HMGA2: variants seen among roughly 807,000 people sequenced by gnomAD.
The protein encoded by HMGA2 is high mobility group protein HMGI-C.
HMGA2 carries 8 observed loss-of-function variants against 19.1 expected under a neutral mutation model. The observed-to-expected ratio is 0.42, with a 90% CI of 0.25 to 0.76. The LOEUF is 0.76. Ranked by LOEUF, HMGA2 falls within the 30% of genes least tolerant of loss-of-function variation. The pLI is 0.28. For missense variants in HMGA2, 109 were observed against 136.3 expected (o/e 0.80, Z 1.00); for synonymous variants, 60 against 48.8 (o/e 1.23, Z -0.96).
chr12:65,830,484 T>C (rs2120837782), intron 2 of HMGA2, among the ~76,000 whole-genome samples: 1 of 152,050 alleles, frequency 6.6e-6, no homozygotes, highest in Non-Finnish European at 1.5e-5. Context: ...AGTGTTTTCC[T>C]GTAAACTGAG....
Position 65,829,939 on chromosome 12 carries a change from G to A in HMGA2, c.198+1852G>A, listed in dbSNP as rs552696187. Among the ~76,000 whole-genome samples the A allele has an allele frequency of 2.7e-4, 41 of 151,872 alleles. No homozygotes were observed. The South Asian group carries it at 7.3e-3, about 27-fold the overall frequency. ...CATTTGTAAATGACCCCCCTACGCC[G>A]CTCATCTTTCTGAAAATTCTTCATG... is the stretch of plus-strand genomic sequence containing the variant. On this transcript the variant is annotated intron_variant, in intron 2 of 4. Transcript: ENST00000403681.
intron 3 of HMGA2, among the ~76,000 whole-genome samples, chr12:65,944,651 A>AC (rs56891231): frequency 0.28 from 42,974 of 151,990 alleles, 6,669 homozygotes; most frequent in South Asian, 0.4. Context: ...CACAAAAATT[A>AC]CCTTACTGAA....
intron 3 of HMGA2, chr12:65,914,959 G>A (rs1875022530): frequency 6.6e-7 from 1 of 1,516,732 alleles, no homozygotes; most frequent in East Asian, 2.3e-5. Context: ...ACAGGCGTGA[G>A]CCATCGTGCC....
intron 3 of HMGA2, among the ~76,000 whole-genome samples, chr12:65,908,810 G>T (rs1874715376): frequency 6.6e-6 from 1 of 152,158 alleles, no homozygotes; most frequent in Non-Finnish European, 1.5e-5. Flanking sequence ...ATAGACTGAG[G>T]AGTTTCTGCA....
chr12:65,861,894 G>C (rs533284529), intron 3 of HMGA2, among the ~76,000 whole-genome samples: 17 of 150,520 alleles, frequency 1.1e-4, no homozygotes, highest in Admixed American at 7.3e-4. Context: ...GCCCAGGCTG[G>C]AGCGCAATGG....
intron 3 of HMGA2, among the ~76,000 whole-genome samples, chr12:65,908,934 T>C (rs1157660718): frequency 6.6e-6 from 1 of 152,188 alleles, no homozygotes; most frequent in African/African-American, 2.4e-5. Flanking sequence ...CCTACCATCA[T>C]CTTAAAAAGG....
intron 3 of HMGA2, among the ~76,000 whole-genome samples, chr12:65,937,727 C>T (rs551569861): frequency 1.3e-5 from 2 of 152,248 alleles, no homozygotes; most frequent in African/African-American, 4.8e-5. Context: ...GAAACATACA[C>T]GTTCTACAAA....
chr12:65,920,060 C>T (rs988838721), intron 3 of HMGA2, among the ~76,000 whole-genome samples: 3 of 152,172 alleles, frequency 2.0e-5, no homozygotes, highest in Admixed American at 2.0e-4. Context: ...AGCTGGTAGT[C>T]CCAATATGAC....
At position 65,825,438 on chromosome 12, in the gene HMGA2, C is replaced by T. The variant is rs1045019069; in HGVS notation, c.111+57C>T. 9 of 1,268,102 alleles carry T rather than the reference C, an allele frequency of 7.1e-6. No individual in the cohort carries two copies. Among genetic ancestry groups the T allele is most frequent in the African/African-American group, 1.6e-5 (1 of 63,918 alleles). The allele number at this position is 1,268,102 out of a possible 1,614,324, so 78.6% of individuals were successfully genotyped here. A position where few individuals can be genotyped will look rare whatever the true frequency, so the allele number is the denominator to read the frequency against. Reference sequence around the variant, plus strand: ...CCACCCCGTCCCCACTGCCGGGGCCCAGACACGCGCGGGGCGGCCGGAGTG... The same window carrying T: ...CCACCCCGTCCCCACTGCCGGGGCCTAGACACGCGCGGGGCGGCCGGAGTG... On this transcript the variant is annotated intron_variant, in intron 1 of 4. Coordinates refer to ENST00000403681, the MANE Select transcript of HMGA2 (RefSeq NM_003483.6). The surrounding 1 kb of genome is among the most constrained non-coding windows in gnomAD (Gnocchi z 4.4).
intron 3 of HMGA2, among the ~76,000 whole-genome samples, chr12:65,862,338 TTCTG>T (rs1431900551): frequency 1.3e-5 from 2 of 151,144 alleles, no homozygotes; most frequent in Admixed American, 6.6e-5. Context: ...GAAAATGGGA[TTCTG>T]TCTGTCTCTG....
At chr12:65,945,774 C>G (rs896936533) in intron 3 of HMGA2, among the ~76,000 whole-genome samples, 1 of 152,068 alleles carries the variant, frequency 6.6e-6, no homozygotes. Context: ...AACATTTTTT[C>G]TATAAATAAC....
intron 2 of HMGA2, among the ~76,000 whole-genome samples, chr12:65,834,830 C>T (rs576290814): frequency 6.6e-6 from 1 of 152,252 alleles, no homozygotes; most frequent in Non-Finnish European, 1.5e-5. Flanking sequence ...TTATATTTCC[C>T]ATTTAACATT....
intron 3 of HMGA2, among the ~76,000 whole-genome samples, chr12:65,950,970 C>T (rs1876437589): frequency 6.6e-6 from 1 of 152,008 alleles, no homozygotes; most frequent in African/African-American, 2.4e-5. Context: ...GCTCTGTCAC[C>T]CAGGCTGGAG....
intron 3 of HMGA2, among the ~76,000 whole-genome samples, chr12:65,865,922 A>C (rs563192913): frequency 5.9e-5 from 9 of 152,074 alleles, no homozygotes; most frequent in African/African-American, 2.2e-4. Context: ...GATTACAGGC[A>C]TGAGCCACCA....
At chr12:65,868,891 T>G (rs573495625) in intron 3 of HMGA2, among the ~76,000 whole-genome samples, 1 of 152,324 alleles carries the variant, frequency 6.6e-6, no homozygotes, top group South Asian at 2.1e-4. Context: ...AGTAAAAATT[T>G]GTGCCAAACC....
intron 3 of HMGA2, among the ~76,000 whole-genome samples, chr12:65,906,229 G>A (rs993099423): frequency 2.0e-5 from 3 of 152,252 alleles, no homozygotes; most frequent in South Asian, 2.1e-4. Context: ...AACTCATGTC[G>A]GGAAGTTGCC....
chr12:65,915,006 A>G, intron 3 of HMGA2: 2 of 1,609,726 alleles, frequency 1.2e-6, no homozygotes, highest in Non-Finnish European at 1.7e-6. Context: ...CCATCACTAG[A>G]TCTCTTCTGA....
intron 3 of HMGA2, among the ~76,000 whole-genome samples, chr12:65,875,186 T>C (rs1447809406): frequency 6.6e-6 from 1 of 152,180 alleles, no homozygotes; most frequent in Non-Finnish European, 1.5e-5. Flanking sequence ...TATGAGAAAA[T>C]ATACTGACAG....
chr12:65,848,981 A>T (rs1248767501), intron 3 of HMGA2, among the ~76,000 whole-genome samples: 1 of 152,192 alleles, frequency 6.6e-6, no homozygotes, highest in African/African-American at 2.4e-5. Context: ...ACTAAATCCC[A>T]AGAAGGTGAG....
Sources: allele counts gnomAD v4.1 joint callset (sites outside exome capture counted in the v4.1 genomes callset), GRCh38; gene constraint gnomAD v4.1.1; non-coding constraint Gnocchi (gnomAD v3.1); transcripts MANE v1.5; gene names NCBI Gene and HGNC (gene_info 2026-07-23, HGNC 2026-07-21).